Variants in ADGRV1 observed in about 807,000 individuals in gnomAD.
ADGRV1 encodes adhesion G protein-coupled receptor V1.
In ADGRV1, 359 loss-of-function variants were observed where a neutral mutation model predicts 596.2. The ratio of observed to expected loss-of-function variants is 0.60; its 90% CI spans 0.55 to 0.66. The LOEUF is 0.66. Ranked by LOEUF, ADGRV1 falls within the 30% of genes least tolerant of loss-of-function variation. The pLI is 0.00. For synonymous variants in ADGRV1, 2,681 were observed against 2,679.2 expected (o/e 1.00, Z -0.02); for missense variants, 7,274 against 7,575.6 (o/e 0.96, Z 1.48).
At chr5:90,822,631 T>C (rs1032546409) in intron 75 of ADGRV1, among the ~76,000 whole-genome samples, 1 of 152,204 alleles carries the variant, frequency 6.6e-6, no homozygotes, top group African/African-American at 2.4e-5. Context: ...TGGTTCCATA[T>C]GAACTTTAAA....
chr5:91,134,145 T>A (rs569578278), intron 87 of ADGRV1, among the ~76,000 whole-genome samples: 1 of 152,208 alleles, frequency 6.6e-6, no homozygotes, highest in African/African-American at 2.4e-5. Flanking sequence ...AGAACTCTGT[T>A]TCTTCTGGGT....
chr5:90,616,585 G>A (rs1749789964), intron 2 of ADGRV1, among the ~76,000 whole-genome samples: 1 of 151,826 alleles, frequency 6.6e-6, no homozygotes, highest in Non-Finnish European at 1.5e-5. Context: ...CTTTTTTGTT[G>A]ATATATAATA....
At position 90,728,740 on chromosome 5, in the gene ADGRV1, C is replaced by T; in HGVS notation, c.10233C>T (p.Ala3411=). 2 of 1,613,946 alleles carry T rather than the reference C, an allele frequency of 1.2e-6. No homozygotes were observed. The highest frequency in any genetic ancestry group is 8.5e-7 in the Non-Finnish European group (1 of 1,179,844). The change falls in exon 49 of 90, where the codon GCC becomes GCT. Residue 3411 remains alanine, a synonymous_variant. Transcript: ENST00000405460. ...CTGTCCGAGGTGTGCTGACCGTGGC[C>T]TTGTTCAACAAGGGAGGCTCTGTGT... The part of the protein sequence containing the change: ...KLPVRGVLTV[A]LFNKGGSVFL...
At chr5:90,755,253 T>A in intron 55 of ADGRV1, 68 bp downstream of exon 55, 1 of 1,016,954 alleles carries the variant, frequency 9.8e-7, no homozygotes, top group Non-Finnish European at 1.4e-6. Context: ...ATTGTGATGC[T>A]CTTGTAAGTA....
intron 32 of ADGRV1, among the ~76,000 whole-genome samples, chr5:90,693,113 A>G (rs910940494): frequency 1.3e-5 from 2 of 151,450 alleles, no homozygotes; most frequent in Non-Finnish European, 2.9e-5. Flanking sequence ...TGTATGATGT[A>G]TGAAGGAGCT....
chr5:90,734,080 T>C (rs1752902722), intron 50 of ADGRV1, among the ~76,000 whole-genome samples: 1 of 152,220 alleles, frequency 6.6e-6, no homozygotes, highest in Admixed American at 6.5e-5. Context: ...ATCCATATTG[T>C]CCCAAATGAC....
chr5:90,665,254 TG>T (rs1771125080), intron 21 of ADGRV1, among the ~76,000 whole-genome samples: 1 of 152,160 alleles, frequency 6.6e-6, no homozygotes, highest in Non-Finnish European at 1.5e-5. Flanking sequence ...GGACTCTTTT[TG>T]GTTGGTAAAC....
chr5:91,055,686 T>C (rs1238724948), intron 85 of ADGRV1, among the ~76,000 whole-genome samples: 1 of 152,196 alleles, frequency 6.6e-6, no homozygotes, highest in East Asian at 1.9e-4. Flanking sequence ...TCATGTTCTT[T>C]TCTTCACTTC....
rs1466912843 is a variant in ADGRV1 at position 91,150,185 on chromosome 5, C to T, written c.18588C>T (p.Ser6196=). 1.3e-6 allele frequency: 2 copies of T among 1,591,716 alleles called. No individual in the cohort carries two copies. The highest frequency in any genetic ancestry group is 1.2e-5 in the South Asian group (1 of 86,690). ...TGCCTCCTGCTGGAGGGGAAATCAGCAAGTCCACCCAGAATCTCATCGGTG... is the reference window on the plus strand; with the variant it reads ...TGCCTCCTGCTGGAGGGGAAATCAGTAAGTCCACCCAGAATCTCATCGGTG... ...SGMPPAGGEI[S]KSTQNLIGAM... is the part of the protein sequence containing the mutation. Residue 6196 remains serine, a synonymous_variant, in exon 88 of 90, where the codon AGC becomes AGT. Transcript: ENST00000405460.
At chr5:91,034,921 G>T (rs1194043775) in intron 85 of ADGRV1, among the ~76,000 whole-genome samples, 1 of 152,108 alleles carries the variant, frequency 6.6e-6, no homozygotes, top group Non-Finnish European at 1.5e-5. Context: ...CAGTAGGTAG[G>T]ACTACAGGCA....
In ADGRV1 at chr5:90,627,792, A is replaced by G; in HGVS notation, c.1238+16A>G. ...GAATATCAAGGTATGATTTATTTTA[A>G]ATATATTGCTACCATTATTTTATTA... On this transcript the variant is annotated intron_variant, in intron 7 of 89. Coordinates refer to ENST00000405460, the MANE Select transcript of ADGRV1 (RefSeq NM_032119.4). 2.2e-6 allele frequency: 3 copies of G among 1,359,712 alleles called. No individual in the cohort carries two copies. Among genetic ancestry groups the G allele is most frequent in the Admixed American group, 2.6e-5 (1 of 38,570 alleles). 84.2% of individuals were successfully genotyped at this position (1,359,712 alleles called of 1,614,324 possible).
Position 90,582,111 on chromosome 5 carries a change from T to G in ADGRV1, c.22+23194T>G, listed in dbSNP as rs1342212135. ...GCTTGCTTTATGACCAAGCATGTGTTTTTTTTTTTTTTTTGGAATGTGTTC... is the reference window on the plus strand; with the variant it reads ...GCTTGCTTTATGACCAAGCATGTGTGTTTTTTTTTTTTTTGGAATGTGTTC... On this transcript the variant is annotated intron_variant, in intron 1 of 89. Transcript: ENST00000405460. Among the ~76,000 whole-genome samples, 4 of 142,098 alleles carry G rather than the reference T, an allele frequency of 2.8e-5. No individual in the cohort carries two copies. In the East Asian group the frequency reaches 7.8e-4, roughly 28 times the overall value. The allele number at this position is 142,098 out of a possible 152,430, so 93.2% of individuals were successfully genotyped here.
Position 90,648,722 on chromosome 5 carries a change from T to C in ADGRV1, c.3289+958T>C, listed in dbSNP as rs116255382. Among the ~76,000 whole-genome samples the C allele has an allele frequency of 2.4e-3, 363 of 152,326 alleles. 2 individuals are homozygous for C. Among genetic ancestry groups the C allele is most frequent in the African/African-American group, 8.6e-3 (357 of 41,578 alleles). On this transcript the variant is annotated intron_variant, in intron 17 of 89. Coordinates refer to ENST00000405460, the MANE Select transcript of ADGRV1 (RefSeq NM_032119.4). ...TGCTTCCTCTTTTTCTCCTTTTGTC[T>C]TTCTCTGCCTCTCATTTTTCACACA...
chr5:90,781,290 T>C lies in ADGRV1; in HGVS notation c.13083-140T>C, dbSNP rs567632554. 2.1e-4 allele frequency: 152 copies of C among 717,692 alleles called. No individual in the cohort carries two copies. The Admixed American group carries it at 3.1e-3, about 15-fold the overall frequency. 44.5% of individuals were successfully genotyped at this position (717,692 alleles called of 1,614,324 possible). ...CAGGAAAAAGAGAATATTTTAGCGT[T>C]GAGGATCTTTAAAAGTATTGCAGTA... On this transcript the variant is annotated intron_variant, in intron 64 of 89. Transcript: ENST00000405460.
intron 83 of ADGRV1, among the ~76,000 whole-genome samples, chr5:90,927,373 C>A (rs557893785): frequency 6.6e-6 from 1 of 152,068 alleles, no homozygotes; most frequent in African/African-American, 2.4e-5. Flanking sequence ...GAATTGATCC[C>A]TTTACCATTA....
At chr5:90,979,167 CT>C (rs777481548) in intron 84 of ADGRV1, among the ~76,000 whole-genome samples, 154 of 142,994 alleles carry the variant, frequency 1.1e-3, no homozygotes, top group East Asian at 7.6e-3. Flanking sequence ...GTGTCAATTT[CT>C]TTTTTTTTTT....
intron 87 of ADGRV1, among the ~76,000 whole-genome samples, chr5:91,110,816 G>A (rs984404263): frequency 6.6e-6 from 1 of 152,184 alleles, no homozygotes; most frequent in Non-Finnish European, 1.5e-5. Context: ...CACAGTGTTG[G>A]GATATGACAC....
At chr5:90,877,719 AT>A (rs1056284095) in intron 83 of ADGRV1, among the ~76,000 whole-genome samples, 1 of 151,434 alleles carries the variant, frequency 6.6e-6, no homozygotes, top group African/African-American at 2.4e-5. Flanking sequence ...TGTAAGGTAT[AT>A]TTTTTCAATG....
chr5:91,051,859 T>C (rs1270123654), intron 85 of ADGRV1, among the ~76,000 whole-genome samples: 1 of 152,136 alleles, frequency 6.6e-6, no homozygotes, highest in Non-Finnish European at 1.5e-5. Flanking sequence ...TGGACTTTTT[T>C]ACAATGATGA....
Sources: gnomAD v4.1 joint callset for allele counts (sites outside exome capture counted in the v4.1 genomes callset) on GRCh38, gnomAD v4.1.1 for gene constraint, MANE v1.5 for transcripts, NCBI Gene and HGNC (gene_info 2026-07-23, HGNC 2026-07-21) for gene names.